PID1: variants seen among roughly 807,000 people sequenced by gnomAD.
PID1 encodes the protein PTB-containing, cubilin and LRP1-interacting protein.
Under a neutral mutation model 19.1 loss-of-function variants are expected in PID1, and 10 were observed. The observed-to-expected ratio is 0.52, with a 90% CI of 0.32 to 0.89. The LOEUF is 0.89. Ranked by LOEUF, PID1 falls within the 40% of genes least tolerant of loss-of-function variation. The pLI is 0.03. For synonymous variants in PID1, 130 were observed against 116.0 expected, an observed-to-expected ratio of 1.12 and a Z score of -0.78; for missense variants, 248 against 285.3, an observed-to-expected ratio of 0.87 and a Z score of 0.94.
At chr2:229,204,116 C>G (rs1000801619) in intron 1 of PID1, among the ~76,000 whole-genome samples, 21 of 152,034 alleles carry the variant, frequency 1.4e-4, no homozygotes, top group African/African-American at 4.3e-4. Context: ...ACACACCATG[C>G]CTGAACTCAG....
chr2:229,033,294 C>G (rs927549204), intron 2 of PID1, among the ~76,000 whole-genome samples: 4 of 152,188 alleles, frequency 2.6e-5, no homozygotes, highest in Admixed American at 2.0e-4. Flanking sequence ...ACTTTCCAAG[C>G]TGGATGAGCC....
At chr2:229,142,782 G>T (rs1441653319) in intron 2 of PID1, among the ~76,000 whole-genome samples, 1 of 152,180 alleles carries the variant, frequency 6.6e-6, no homozygotes, top group South Asian at 2.1e-4. Context: ...GTGGAAGTCA[G>T]TATGGCGATT....
chr2:229,207,773 C>A (rs1691639611), intron 1 of PID1, among the ~76,000 whole-genome samples: 1 of 151,932 alleles, frequency 6.6e-6, no homozygotes, highest in African/African-American at 2.4e-5. Flanking sequence ...GGATTGAAAC[C>A]ACTGCCTTCA....
chr2:229,030,530 G>A (rs956336093), intron 2 of PID1, among the ~76,000 whole-genome samples: 1 of 152,138 alleles, frequency 6.6e-6, no homozygotes, highest in African/African-American at 2.4e-5. Flanking sequence ...ACTGAAACTA[G>A]AAATAACTGT....
intron 1 of PID1, among the ~76,000 whole-genome samples, chr2:229,168,973 G>A (rs1329446969): frequency 2.0e-5 from 3 of 152,018 alleles, no homozygotes; most frequent in Non-Finnish European, 4.4e-5. Flanking sequence ...ATCCATTATT[G>A]CCTCAATATT....
chr2:229,027,029 T>A (rs1216205687), intron 2 of PID1, among the ~76,000 whole-genome samples: 1 of 152,134 alleles, frequency 6.6e-6, no homozygotes, highest in African/African-American at 2.4e-5. Flanking sequence ...TATGAAATAG[T>A]ATATACTTAC....
intron 1 of PID1, among the ~76,000 whole-genome samples, chr2:229,228,570 T>G (rs1692132995): frequency 6.6e-6 from 1 of 151,968 alleles, no homozygotes; most frequent in South Asian, 2.1e-4. Flanking sequence ...TACTGAAGAG[T>G]TTTAACAAAT....
At chr2:229,088,781 C>T (rs1385654011) in intron 2 of PID1, among the ~76,000 whole-genome samples, 1 of 151,436 alleles carries the variant, frequency 6.6e-6, no homozygotes, top group Non-Finnish European at 1.5e-5. Flanking sequence ...TGCTTCTGCT[C>T]TGCTGAGTAA....
At position 229,184,705 on chromosome 2, in the gene PID1, G is replaced by A. The variant is rs1353700494; in HGVS notation, c.31-28741C>T. Among the ~76,000 whole-genome samples the A allele has an allele frequency of 5.1e-3, 2 of 392 alleles. 1 individual carries two copies. Among genetic ancestry groups the A allele is most frequent in the African/African-American group, 0.2 (2 of 10 alleles). The allele number at this position is 392 out of a possible 152,430, so 0.3% of individuals were successfully genotyped here. A position where few individuals can be genotyped will look rare whatever the true frequency, so the allele number is the denominator to read the frequency against. On this transcript the variant is annotated intron_variant, in intron 1 of 2. Coordinates refer to ENST00000392055, the MANE Select transcript of PID1 (RefSeq NM_001100818.2). Reference sequence around the variant, plus strand: ...TATATCCCGTATATATATATATCCCGTATATATATATCCCGTATATATATA... The same window carrying A: ...TATATCCCGTATATATATATATCCCATATATATATATCCCGTATATATATA...
intron 2 of PID1, among the ~76,000 whole-genome samples, chr2:229,071,175 C>T (rs758716903): frequency 2.6e-5 from 4 of 152,172 alleles, no homozygotes; most frequent in African/African-American, 7.2e-5. Context: ...AGACCAGAGA[C>T]ATCGCTGAGT....
rs542027380 is a variant in PID1, at chr2:229,025,788, G to A, written c.498C>T (p.Ala166=). 5.0e-6 allele frequency: 8 copies of A among 1,614,260 alleles called. No individual in the cohort carries two copies. The highest frequency in any genetic ancestry group is 3.3e-5 in the South Asian group (3 of 91,088). ...CCTCGAGCTTGCTCTCGCACTCCAC[G>A]GCGTGGCAGTCCATCTGGTAGGACA... The part of the protein sequence containing the change: ...DDLSYQMDCH[A]VECESKLEAK... Residue 166 remains alanine (A), a synonymous_variant, in exon 3 of 3, where the codon GCC becomes GCT. Coordinates refer to ENST00000392055, the MANE Select transcript of PID1 (RefSeq NM_001100818.2).
At chr2:229,227,826 C>T (rs186117799) in intron 1 of PID1, 1 of 319,606 alleles carries the variant, frequency 3.1e-6, no homozygotes, top group East Asian at 7.7e-5. Flanking sequence ...CATTATCTCC[C>T]AACCAACACA....
At chr2:229,183,454 T>A (rs897520644) in intron 1 of PID1, among the ~76,000 whole-genome samples, 6 of 152,190 alleles carry the variant, frequency 3.9e-5, no homozygotes, top group Admixed American at 2.0e-4. Flanking sequence ...TATGAGGGTG[T>A]GTTGGGTGAG....
chr2:229,149,107 A>G (rs1690195221), intron 2 of PID1, among the ~76,000 whole-genome samples: 1 of 151,530 alleles, frequency 6.6e-6, no homozygotes, highest in Admixed American at 6.6e-5. Flanking sequence ...TCTTGGTATT[A>G]AAGTCAGAAA....
chr2:229,108,394 TGG>T (rs772489525), intron 2 of PID1, among the ~76,000 whole-genome samples: 1 of 152,122 alleles, frequency 6.6e-6, no homozygotes, highest in Non-Finnish European at 1.5e-5. Context: ...CACCAATGCA[TGG>T]GGGAGCAAAC....
intron 1 of PID1, chr2:229,227,952 CA>C (rs1692116559): frequency 2.2e-6 from 1 of 455,726 alleles, no homozygotes; most frequent in African/African-American, 2.0e-5. Flanking sequence ...CATGCCATTT[CA>C]TACCACGGTC....
chr2:229,052,680 T>C (rs1448652398), intron 2 of PID1, among the ~76,000 whole-genome samples: 1 of 151,584 alleles, frequency 6.6e-6, no homozygotes, highest in Non-Finnish European at 1.5e-5. Flanking sequence ...TTGTCTAATT[T>C]GACCGGTGGG....
chr2:229,180,248 T>G (rs1220936289), intron 1 of PID1, among the ~76,000 whole-genome samples: 1 of 152,202 alleles, frequency 6.6e-6, no homozygotes, highest in East Asian at 1.9e-4. Context: ...CATCAAAGAT[T>G]AAATTATGTC....
At chr2:229,228,883 C>T (rs1692141045) in intron 1 of PID1, among the ~76,000 whole-genome samples, 1 of 152,154 alleles carries the variant, frequency 6.6e-6, no homozygotes, top group Non-Finnish European at 1.5e-5. Context: ...AGTTTTGAAG[C>T]CTGTGAAAAA....
Sources: allele counts gnomAD v4.1 joint callset (sites outside exome capture counted in the v4.1 genomes callset), GRCh38; gene constraint gnomAD v4.1.1; transcripts MANE v1.5; gene names NCBI Gene and HGNC (gene_info 2026-07-23, HGNC 2026-07-21).